MAN2A2: variants seen among roughly 807,000 people sequenced by gnomAD.
MAN2A2 encodes the protein mannosidase alpha class 2A member 2.
Under a neutral mutation model 126.8 loss-of-function variants are expected in MAN2A2, and 79 were observed. The ratio of observed to expected loss-of-function variants is 0.62; its 90% CI spans 0.52 to 0.75. MAN2A2 has a LOEUF of 0.75. Among genes scored for constraint, MAN2A2 ranks in the 30% least tolerant of loss-of-function variants. The pLI, the probability that MAN2A2 is intolerant of heterozygous loss-of-function variation, is 0.00. For synonymous variants in MAN2A2, 671 were observed against 618.7 expected, an observed-to-expected ratio of 1.08 and a Z score of -1.25; for missense variants, 1,392 against 1,522.4, an observed-to-expected ratio of 0.91 and a Z score of 1.43.
At chr15:90,915,512 A>C (rs2035101436) in intron 19 of MAN2A2, 2 of 152,324 alleles carry the variant, frequency 1.3e-5, no homozygotes, top group Admixed American at 1.3e-4. Context: ...CACTTGCCAT[A>C]TCTTTTTTCC....
intron 2 of MAN2A2, 54 bp downstream of exon 2, chr15:90,904,393 G>A: frequency 6.3e-7 from 1 of 1,583,278 alleles, no homozygotes; most frequent in Non-Finnish European, 8.6e-7. Flanking sequence ...TGGGCTCAGG[G>A]TATGCACCTC....
Position 90,904,193 on chromosome 15 carries a change from T to C in MAN2A2, c.-15T>C. On this transcript the variant is annotated 5_prime_UTR_variant, in exon 2 of 23. Coordinates refer to ENST00000559717, the MANE Select transcript of MAN2A2 (RefSeq NM_006122.4). ...CAGATGGTGTCCTTCCTGCCAGGTGTGTGTGGAGGCCAGTATGAAGCTGAA... is the reference window on the plus strand; with the variant it reads ...CAGATGGTGTCCTTCCTGCCAGGTGCGTGTGGAGGCCAGTATGAAGCTGAA... 6.2e-7 allele frequency: 1 copy of C among 1,614,144 alleles called. No homozygotes were observed. The highest frequency in any genetic ancestry group is 1.1e-5 in the South Asian group (1 of 91,084).
intron 22 of MAN2A2, 141 bp from the exon 23 acceptor site, chr15:90,919,494 C>G (rs1464132584): frequency 1.0e-6 from 1 of 1,004,384 alleles, no homozygotes; most frequent in Non-Finnish European, 1.5e-6. Context: ...CCGCCTTGGC[C>G]TCCCAAAGTG....
In MAN2A2 at chr15:90,918,715, C is replaced by A. The variant is rs147904374; in HGVS notation, c.3260C>A (p.Ala1087Asp). 78 of 1,521,620 alleles carry A rather than the reference C, an allele frequency of 5.1e-5. No individual in the cohort carries two copies. The African/African-American group carries it at 1.0e-3, about 20-fold the overall frequency. The allele number at this position is 1,521,620 out of a possible 1,614,324, so 94.3% of individuals were successfully genotyped here. The change falls in exon 22 of 23, where the codon GCC becomes GAC. Residue 1087 changes from alanine to aspartate, a missense_variant. Transcript: ENST00000559717. Reference sequence around the variant, plus strand: ...AAGGGTTTTGACTGCGGCCTGGAGGCCAAGAACTTGGGCTTCAACTGCACC... The same window carrying A: ...AAGGGTTTTGACTGCGGCCTGGAGGACAAGAACTTGGGCTTCAACTGCACC... Reference protein sequence around the residue: ...HRKGFDCGLEAKNLGFNCTTS... With the variant: ...HRKGFDCGLEDKNLGFNCTTS...
At chr15:90,916,302 C>G in intron 20 of MAN2A2, 46 bp downstream of exon 20, 1 of 1,593,686 alleles carries the variant, frequency 6.3e-7, no homozygotes, top group African/African-American at 1.3e-5. Flanking sequence ...TGGCTAGTCC[C>G]TGGGGGTGGC....
rs200666844 is a variant in MAN2A2, at chr15:90,906,004, C to T, written c.695C>T (p.Ala232Val). Reference sequence around the variant, plus strand: ...GACAACATCAATGTCCAAAAGAGAGCGGCAGTCCGAAGGCCAGTACCAGGC... The same window carrying T: ...GACAACATCAATGTCCAAAAGAGAGTGGCAGTCCGAAGGCCAGTACCAGGC... ...WWDNINVQKR[A>V]AVRRLVGNGQ... Residue 232 changes from alanine (A) to valine (V), a missense_variant, in exon 5 of 23, where the codon GCG becomes GTG. Transcript: ENST00000559717. 12 of 1,613,782 alleles carry T rather than the reference C, an allele frequency of 7.4e-6. No individual in the cohort carries two copies. The highest frequency in any genetic ancestry group is 2.2e-5 in the East Asian group (1 of 44,878).
intron 1 of MAN2A2, 49 bp from the exon 2 acceptor site, chr15:90,904,141 C>T: frequency 6.2e-7 from 1 of 1,606,914 alleles, no homozygotes. Flanking sequence ...GGAAAGACTG[C>T]CACGGGCATT....
intron 18 of MAN2A2, 76 bp from the exon 19 acceptor site, chr15:90,913,538 G>T: frequency 1.3e-6 from 2 of 1,564,618 alleles, no homozygotes; most frequent in Non-Finnish European, 1.7e-6. Context: ...AGTTATCGGG[G>T]ACTCCTTCAG....
chr15:90,912,858 C>G lies in MAN2A2; in HGVS notation c.2470-19C>G. On this transcript the variant is annotated intron_variant, in intron 16 of 22. Transcript: ENST00000559717. ...GCCCTCTGTGCTGTAGTTTCAACAG[C>G]AATCTGCTCTTTCTCTAGCCCTACG... 1 of 1,603,380 alleles carries G rather than the reference C, an allele frequency of 6.2e-7. No homozygotes were observed. The highest frequency in any genetic ancestry group is 8.5e-7 in the Non-Finnish European group (1 of 1,171,108).
rs746349837 is a variant in MAN2A2, at chr15:90,912,653, G to A, written c.2458G>A (p.Gly820Ser). The change falls in exon 16 of 23, where the codon GGC becomes AGC. Residue 820 changes from glycine to serine, a missense_variant. Transcript: ENST00000559717. ...KSGAYLFLPD[G>S]EAKPYVPKEP... is the part of the protein sequence containing the mutation. ...TGGAGCCTACCTCTTCCTGCCCGAT[G>A]GCGAGGCCAAGGTATCCTAAAGATG... is the stretch of plus-strand genomic sequence containing the variant. 6.2e-7 allele frequency: 1 copy of A among 1,614,106 alleles called. No individual in the cohort carries two copies. Among genetic ancestry groups the A allele is most frequent in the Admixed American group, 1.7e-5 (1 of 60,028 alleles).
Position 90,905,378 on chromosome 15 carries a change from C to T in MAN2A2, c.260C>T (p.Ala87Val). The T allele has an allele frequency of 6.2e-7, 1 of 1,614,012 alleles. No individual in the cohort carries two copies. The highest frequency in any genetic ancestry group is 8.5e-7 in the Non-Finnish European group (1 of 1,180,046). Residue 87 changes from alanine (A) to valine (V), a missense_variant, in exon 3 of 23, where the codon GCC (alanine) becomes GTC (valine). Physicochemically the swap from Ala to Val is moderately conservative, Grantham distance 64. Coordinates refer to ENST00000559717, the MANE Select transcript of MAN2A2 (RefSeq NM_006122.4). ...ELTANAEGPP[A>V]MLPYYTVNGS... ...ACAGCCAACGCAGAGGGCCCGCCCG[C>T]CATGCTGCCCTACTACACGGTCAAT...
chr15:90,913,207 G>C (rs1198918784), intron 17 of MAN2A2, 66 bp from the exon 18 acceptor site: 1 of 1,580,216 alleles, frequency 6.3e-7, no homozygotes, highest in South Asian at 1.1e-5. Context: ...TGATCCCCCA[G>C]CCCAGCCTCT....
rs1223058090 is a variant in MAN2A2, at chr15:90,910,218, T to A, written c.1503T>A (p.Asp501Glu). The A allele has an allele frequency of 6.2e-7, 1 of 1,614,112 alleles. No individual in the cohort carries two copies. ...GDFFSYADRE[D>E]HYWTGYYTSR... is the part of the protein sequence containing the mutation. ...TCTTCTCCTATGCGGACCGGGAGGA[T>A]CATTACTGGACAGGCTATTACACTT... Residue 501 changes from aspartate to glutamate, a missense_variant, in exon 10 of 23, where the codon GAT (aspartate) becomes GAA (glutamate). Asp to Glu is a conservative substitution (Grantham distance 45). Coordinates refer to ENST00000559717, the MANE Select transcript of MAN2A2 (RefSeq NM_006122.4).
Position 90,911,181 on chromosome 15 carries a change from G to T in MAN2A2, c.1886G>T (p.Arg629Leu), listed in dbSNP as rs773621623. ...CTCACTGAATTCCAGGATGACACTC[G>T]CTTAAGTCACGACGCCCTCCCAGAG... ...EAPFLQVDDT[R>L]LSHDALPERT... is the part of the protein sequence containing the mutation. Residue 629 changes from arginine to leucine, a missense_variant, in exon 13 of 23, where the codon CGC becomes CTC. Transcript: ENST00000559717. The T allele has an allele frequency of 2.5e-6, 4 of 1,613,938 alleles. No homozygotes were observed. The East Asian group carries it at 6.7e-5, about 27-fold the overall frequency.
At position 90,910,295 on chromosome 15, in the gene MAN2A2, G is replaced by A. The variant is rs201621218; in HGVS notation, c.1577+3G>A. 1.0e-4 allele frequency: 162 copies of A among 1,613,838 alleles called. No homozygotes were observed. Among genetic ancestry groups the A allele is most frequent in the Admixed American group, 2.3e-4 (14 of 60,004 alleles). The stretch of plus-strand genomic sequence containing the variant: ...CGAGTCCTGGAAGCCCACCTGCGGT[G>A]AGACCCTGTCCCCGCTTCCAGGCTG... On this transcript the variant is annotated splice_donor_region_variant and intron_variant, in intron 10 of 22. Coordinates refer to ENST00000559717, the MANE Select transcript of MAN2A2 (RefSeq NM_006122.4).
Position 90,906,846 on chromosome 15 carries a change from G to A in MAN2A2, c.942G>A (p.Val314=), listed in dbSNP as rs370193513. 1.2e-6 allele frequency: 2 copies of A among 1,613,996 alleles called. No homozygotes were observed. Among genetic ancestry groups the A allele is most frequent in the African/African-American group, 1.3e-5 (1 of 74,912 alleles). ...ANLTSMLIQR[V]HYAIKKHFAA... is the part of the protein sequence containing the mutation. ...TCACCAGCATGCTGATTCAGAGAGT[G>A]CACTATGCCATCAAGAAGCACTTTG... is the stretch of plus-strand genomic sequence containing the variant. Residue 314 remains valine, a synonymous_variant, in exon 7 of 23, where the codon GTG becomes GTA. Transcript: ENST00000559717.
At chr15:90,912,364 C>A in intron 15 of MAN2A2, 85 bp downstream of exon 15, 1 of 1,569,762 alleles carries the variant, frequency 6.4e-7, no homozygotes, top group Non-Finnish European at 8.7e-7. Flanking sequence ...GCCTCCCGGC[C>A]CTGTGAGCAT....
In MAN2A2 at chr15:90,912,683, G is replaced by A; in HGVS notation, c.2469+19G>A. 6.2e-7 allele frequency: 1 copy of A among 1,613,738 alleles called. No homozygotes were observed. Among genetic ancestry groups the A allele is most frequent in the Non-Finnish European group, 8.5e-7 (1 of 1,179,870 alleles). On this transcript the variant is annotated intron_variant, in intron 16 of 22. Transcript: ENST00000559717. ...GGCCAAGGTATCCTAAAGATGCCTT[G>A]AACAACCTGGCAGGGAGGGCAGGAG...
At chr15:90,913,241 T>A in intron 17 of MAN2A2, 32 bp from the exon 18 acceptor site, 6 of 1,610,622 alleles carry the variant, frequency 3.7e-6, no homozygotes, top group Non-Finnish European at 5.1e-6. Context: ...GCCTCACACC[T>A]GTCCATGCCC....
Sources: gnomAD v4.1 joint callset for allele counts on GRCh38, gnomAD v4.1.1 for gene constraint, MANE v1.5 for transcripts, NCBI Gene and HGNC (gene_info 2026-07-23, HGNC 2026-07-21) for gene names.